The following CTNND2 variants were observed in gnomAD, a reference collection of about 807,000 sequenced individuals.
The protein encoded by CTNND2 is catenin delta-2.
In CTNND2, 22 loss-of-function variants were observed where a neutral mutation model predicts 144.4. That is an observed-to-expected ratio of 0.15 (90% CI 0.11 to 0.22). CTNND2 has a LOEUF of 0.22. CTNND2 is among the 10% of genes least tolerant of loss of function. The probability of loss-of-function intolerance (pLI) is 1.00; values close to 1 mark genes in which losing one functional copy is unlikely to be tolerated. For missense variants in CTNND2, 1,353 were observed against 1,618.8 expected (o/e 0.84, Z 2.82); for synonymous variants, 751 against 695.6 (o/e 1.08, Z -1.25).
At chr5:11,362,448 G>A (rs1756562517) in intron 8 of CTNND2, among the ~76,000 whole-genome samples, 1 of 152,168 alleles carries the variant, frequency 6.6e-6, no homozygotes, top group African/African-American at 2.4e-5. Flanking sequence ...TAGACACAGG[G>A]GTAACCTTGG....
chr5:10,999,528 T>C (rs1001745297), intron 18 of CTNND2, among the ~76,000 whole-genome samples: 1 of 152,176 alleles, frequency 6.6e-6, no homozygotes, highest in African/African-American at 2.4e-5. Flanking sequence ...GGAAGGGCCA[T>C]GAATCCTTCC....
rs929624792 is a variant in CTNND2, at chr5:11,774,691, CT to C, written c.38-42420del. 4.0e-5 allele frequency among the ~76,000 whole-genome samples: 6 copies of C among 151,752 alleles called. No individual in the cohort carries two copies. In the East Asian group the frequency reaches 7.8e-4, roughly 20 times the overall value. ...TATCTCAGTCTTGATTTAAGAAACA[CT>C]TTTTTTTCAACTGGAGAATACAGTT... On this transcript the variant is annotated intron_variant, in intron 1 of 21. Transcript: ENST00000304623.
intron 17 of CTNND2, among the ~76,000 whole-genome samples, chr5:11,020,127 C>T (rs1742084041): frequency 6.6e-6 from 1 of 152,028 alleles, no homozygotes; most frequent in Admixed American, 6.6e-5. Context: ...GAACACTAGC[C>T]CCCTTGGTTG....
At chr5:10,983,597 C>T (rs994309790) in intron 20 of CTNND2, among the ~76,000 whole-genome samples, 1 of 152,210 alleles carries the variant, frequency 6.6e-6, no homozygotes, top group Non-Finnish European at 1.5e-5. Flanking sequence ...CTGTTATCCT[C>T]TCTGGTTGAA....
intron 12 of CTNND2, among the ~76,000 whole-genome samples, chr5:11,156,702 T>C (rs1758248895): frequency 7.0e-6 from 1 of 142,254 alleles, no homozygotes; most frequent in Non-Finnish European, 1.5e-5. Flanking sequence ...CAGTTCTAGT[T>C]GTCTACATGA....
At chr5:11,875,973 A>C (rs1189345546) in intron 1 of CTNND2, among the ~76,000 whole-genome samples, 1 of 152,192 alleles carries the variant, frequency 6.6e-6, no homozygotes, top group Non-Finnish European at 1.5e-5. Context: ...CTTGATAAGG[A>C]ATAAAACAGA....
At chr5:11,351,635 A>G (rs1561262812) in intron 8 of CTNND2, among the ~76,000 whole-genome samples, 1 of 152,216 alleles carries the variant, frequency 6.6e-6, no homozygotes, top group African/African-American at 2.4e-5. Context: ...TGACAATGGA[A>G]AAAAGGAGAA....
At chr5:11,020,724 T>C (rs1742153064) in intron 17 of CTNND2, among the ~76,000 whole-genome samples, 1 of 151,898 alleles carries the variant, frequency 6.6e-6, no homozygotes, top group Non-Finnish European at 1.5e-5. Flanking sequence ...ATCTCCAAAT[T>C]AGTCAGTATA....
At chr5:11,157,471 C>T (rs1009845105) in intron 12 of CTNND2, among the ~76,000 whole-genome samples, 5 of 152,170 alleles carry the variant, frequency 3.3e-5, no homozygotes, top group South Asian at 2.1e-4. Flanking sequence ...TGGGGCTCAC[C>T]GGCTGAGTGC....
intron 12 of CTNND2, among the ~76,000 whole-genome samples, chr5:11,142,651 TCACC>T (rs926352787): frequency 2.3e-4 from 35 of 150,360 alleles, no homozygotes; most frequent in Non-Finnish European, 4.9e-4. Context: ...TTTCGCTCTG[TCACC>T]CAGGCTGGAG....
At chr5:11,462,594 G>A (rs1159311005) in intron 3 of CTNND2, among the ~76,000 whole-genome samples, 2 of 151,670 alleles carry the variant, frequency 1.3e-5, no homozygotes, top group East Asian at 3.9e-4. Flanking sequence ...AACAGGTTAC[G>A]ATGAGGAGAA....
intron 11 of CTNND2, among the ~76,000 whole-genome samples, chr5:11,175,002 C>T (rs901457725): frequency 3.9e-5 from 6 of 152,108 alleles, no homozygotes; most frequent in African/African-American, 1.4e-4. Context: ...TATTAACTAA[C>T]CCTTAGGTTA....
At position 11,230,951 on chromosome 5, in the gene CTNND2, T is replaced by C. The variant is rs115631011; in HGVS notation, c.1761+5740A>G. 3.2e-3 allele frequency among the ~76,000 whole-genome samples: 482 copies of C among 151,932 alleles called. 4 individuals carry two copies. The highest frequency in any genetic ancestry group is 0.011 in the African/African-American group (450 of 41,462). On this transcript the variant is annotated intron_variant, in intron 10 of 21. Coordinates refer to ENST00000304623, the MANE Select transcript of CTNND2 (RefSeq NM_001332.4). ...GTTCACCTCACTGCTGGGAGGGTGA[T>C]ATGGTTTGGTTCTGTGTCCCCACCC...
At chr5:11,494,189 A>G (rs931138484) in intron 3 of CTNND2, among the ~76,000 whole-genome samples, 5 of 152,178 alleles carry the variant, frequency 3.3e-5, no homozygotes, top group African/African-American at 1.2e-4. Context: ...TCTAGTGAAT[A>G]ATTATTACAA....
chr5:11,320,416 T>C (rs1751918311), intron 9 of CTNND2, among the ~76,000 whole-genome samples: 1 of 152,130 alleles, frequency 6.6e-6, no homozygotes, highest in Non-Finnish European at 1.5e-5. Context: ...CCTCTGTGGG[T>C]GAGAAAATAG....
chr5:11,737,315 T>G (rs977229256), intron 1 of CTNND2, among the ~76,000 whole-genome samples: 2 of 152,104 alleles, frequency 1.3e-5, no homozygotes, highest in African/African-American at 2.4e-5. Flanking sequence ...GTGAGTAGAG[T>G]GCACAATTTA....
At chr5:11,510,399 C>T (rs1212330451) in intron 3 of CTNND2, among the ~76,000 whole-genome samples, 1 of 152,198 alleles carries the variant, frequency 6.6e-6, no homozygotes, top group Non-Finnish European at 1.5e-5. Context: ...CTGCATTTAA[C>T]AAGATTCCTT....
At chr5:11,385,779 C>T (rs921804361) in intron 6 of CTNND2, 2 of 151,916 alleles carry the variant, frequency 1.3e-5, no homozygotes, top group African/African-American at 4.8e-5. Flanking sequence ...TTGCTATTGT[C>T]GCGTGGATTC....
intron 11 of CTNND2, among the ~76,000 whole-genome samples, chr5:11,164,829 T>G (rs1263167168): frequency 1.3e-5 from 2 of 152,208 alleles, no homozygotes; most frequent in Non-Finnish European, 2.9e-5. Context: ...ACCTCAACAC[T>G]AACTCATTCT....
Sources: allele counts gnomAD v4.1 joint callset (sites outside exome capture counted in the v4.1 genomes callset), GRCh38; gene constraint gnomAD v4.1.1; transcripts MANE v1.5; gene names NCBI Gene and HGNC (gene_info 2026-07-23, HGNC 2026-07-21).